The following UNC5A variants were observed in gnomAD, a reference collection of about 807,000 sequenced individuals.
UNC5A encodes unc-5 netrin receptor A.
In UNC5A, 20 loss-of-function variants were observed where a neutral mutation model predicts 87.4. The observed-to-expected ratio is 0.23, with a 90% confidence interval of 0.16 to 0.33. The LOEUF is 0.33. Among genes scored for constraint, UNC5A ranks in the 10% least tolerant of loss-of-function variants. The probability of loss-of-function intolerance (pLI) is 1.00; values close to 1 mark genes in which losing one functional copy is unlikely to be tolerated. For missense variants in UNC5A, 844 were observed against 1,133.4 expected (o/e 0.74, Z 3.67); for synonymous variants, 438 against 482.3 (o/e 0.91, Z 1.20).
At chr5:176,877,066 C>T (rs1260401779) in intron 8 of UNC5A, 126 bp from the exon 9 acceptor site, 2 of 727,686 alleles carry the variant, frequency 2.7e-6, no homozygotes, top group African/African-American at 1.8e-5. Context: ...GTCTTTGAGG[C>T]CCCTCTGTCC....
At position 176,877,887 on chromosome 5, in the gene UNC5A, C is replaced by A; in HGVS notation, c.1636-7C>A. ...GGCCGAATTGACCCACTGACCCCTG[C>A]CCACAGGATGTGCTGCACCTGGGCG... On this transcript the variant is annotated splice_polypyrimidine_tract_variant and splice_region_variant and intron_variant, in intron 10 of 14. Transcript: ENST00000329542. 1 of 1,597,038 alleles carries A rather than the reference C, an allele frequency of 6.3e-7. No individual in the cohort carries two copies.
intron 1 of UNC5A, among the ~76,000 whole-genome samples, chr5:176,812,786 G>C (rs1756493520): frequency 6.6e-6 from 1 of 152,258 alleles, no homozygotes; most frequent in African/African-American, 2.4e-5. Flanking sequence ...TGCGGGAGGA[G>C]CTGCTGAAGG....
At chr5:176,850,406 A>T (rs1206681874) in intron 1 of UNC5A, among the ~76,000 whole-genome samples, 1 of 151,342 alleles carries the variant, frequency 6.6e-6, no homozygotes, top group Non-Finnish European at 1.5e-5. Flanking sequence ...AGCCAAGGGA[A>T]GGCACACTTT....
intron 2 of UNC5A, among the ~76,000 whole-genome samples, chr5:176,863,882 C>T (rs373704012): frequency 1.7e-4 from 25 of 143,270 alleles, no homozygotes; most frequent in African/African-American, 6.0e-4. Context: ...CTCCTCCTCA[C>T]TCATTAGAGC....
intron 1 of UNC5A, among the ~76,000 whole-genome samples, chr5:176,831,526 C>T (rs921324577): frequency 2.0e-5 from 3 of 152,268 alleles, no homozygotes; most frequent in African/African-American, 4.8e-5. Context: ...GCTGGCCCCT[C>T]TTTCTGCCCC....
At chr5:176,811,464 C>CG (rs897250232) in intron 1 of UNC5A, among the ~76,000 whole-genome samples, 1 of 152,220 alleles carries the variant, frequency 6.6e-6, no homozygotes, top group African/African-American at 2.4e-5. Context: ...CTCCCTGGTG[C>CG]GGGGGGCCAG....
chr5:176,856,501 G>A (rs1288716301), intron 1 of UNC5A, among the ~76,000 whole-genome samples: 1 of 151,688 alleles, frequency 6.6e-6, no homozygotes, highest in African/African-American at 2.4e-5. Context: ...GGTGAGACCT[G>A]GGCTCCTGCC....
intron 1 of UNC5A, among the ~76,000 whole-genome samples, chr5:176,857,468 C>T (rs1281848924): frequency 6.6e-6 from 1 of 152,098 alleles, no homozygotes; most frequent in Non-Finnish European, 1.5e-5. Context: ...GTAGCTGCCA[C>T]CCCCGTTGGC....
chr5:176,869,377 G>A lies in UNC5A; in HGVS notation c.721+413G>A, dbSNP rs1035527230. 3.9e-5 allele frequency among the ~76,000 whole-genome samples: 6 copies of A among 152,214 alleles called. No individual in the cohort carries two copies. The highest frequency in any genetic ancestry group is 1.9e-4 in the East Asian group (1 of 5,166). The stretch of plus-strand genomic sequence containing the variant: ...TGGGCTGCAGGAGTGTGTGAGCCGC[G>A]GTTCAGCCTGGCTACCCCGAGTGCC... On this transcript the variant is annotated intron_variant, in intron 5 of 14. Coordinates refer to ENST00000329542, the MANE Select transcript of UNC5A (RefSeq NM_133369.3). The surrounding 1 kb of genome is among the most constrained non-coding windows in gnomAD (Gnocchi z 9.1).
In UNC5A at chr5:176,879,457, C is replaced by A. The variant is rs760813993; in HGVS notation, c.2332C>A (p.Arg778=). The change falls in exon 14 of 15, where the codon CGG becomes AGG. Residue 778 remains arginine, a synonymous_variant. Transcript: ENST00000329542. ...DPPCRRGADW[R]TLAQKLHLDS... is the part of the protein sequence containing the mutation. ...ACCCTGTAGGCGGGGTGCCGACTGG[C>A]GGACTCTGGCCCAGAAACTCCACCT... The A allele has an allele frequency of 6.2e-6, 10 of 1,610,542 alleles. No individual in the cohort carries two copies. The East Asian group carries it at 1.1e-4, about 18-fold the overall frequency.
Position 176,875,596 on chromosome 5 carries a change from C to T in UNC5A, c.1378+1030C>T, listed in dbSNP as rs1758243442. Among the ~76,000 whole-genome samples the T allele has an allele frequency of 1.3e-5, 2 of 152,166 alleles. No individual in the cohort carries two copies. Among genetic ancestry groups the T allele is most frequent in the Non-Finnish European group, 2.9e-5 (2 of 68,038 alleles). Reference sequence around the variant, plus strand: ...CCTTACCTGGTTCCTTGCTGTAAAACTTCACCAAATGAAGCCAGAGTTGAT... The same window carrying T: ...CCTTACCTGGTTCCTTGCTGTAAAATTTCACCAAATGAAGCCAGAGTTGAT... On this transcript the variant is annotated intron_variant, in intron 8 of 14. Coordinates refer to ENST00000329542, the MANE Select transcript of UNC5A (RefSeq NM_133369.3). The surrounding 1 kb of genome is among the most constrained non-coding windows in gnomAD (Gnocchi z 5.2).
chr5:176,815,645 C>T (rs988631063), intron 1 of UNC5A, among the ~76,000 whole-genome samples: 1 of 152,236 alleles, frequency 6.6e-6, no homozygotes, highest in African/African-American at 2.4e-5. Context: ...TGTGTTCCTT[C>T]GCATTTGTGG....
At chr5:176,811,853 G>A (rs962591556) in intron 1 of UNC5A, among the ~76,000 whole-genome samples, 4 of 152,220 alleles carry the variant, frequency 2.6e-5, no homozygotes, top group African/African-American at 7.2e-5. Flanking sequence ...TGGCCAGGCC[G>A]CTGCTTATAA....
intron 9 of UNC5A, 38 bp downstream of exon 9, chr5:176,877,317 C>G (rs747145963): frequency 9.6e-6 from 15 of 1,566,508 alleles, no homozygotes; most frequent in Non-Finnish European, 9.6e-6. Flanking sequence ...GTGGGAGGGA[C>G]CTGCCTGCTG....
At position 176,869,717 on chromosome 5, in the gene UNC5A, C is replaced by G. The variant is rs565355484; in HGVS notation, c.722-653C>G. ...GGAGCTGCACCAACCCGGCGCCTCT[C>G]AACGGGGGCGCTTTCTGTGAGGGGC... On this transcript the variant is annotated intron_variant, in intron 5 of 14. Transcript: ENST00000329542. The surrounding 1 kb of genome is among the most constrained non-coding windows in gnomAD (Gnocchi z 9.1). The G allele has an allele frequency of 3.3e-5, 22 of 665,348 alleles. No individual in the cohort carries two copies. In the African/African-American group the frequency reaches 3.4e-4, roughly 10 times the overall value. 41.2% of individuals were successfully genotyped at this position (665,348 alleles called of 1,614,324 possible).
At chr5:176,861,382 C>T (rs899263224) in intron 1 of UNC5A, among the ~76,000 whole-genome samples, 1 of 152,212 alleles carries the variant, frequency 6.6e-6, no homozygotes, top group African/African-American at 2.4e-5. Context: ...GGCCCCTGAA[C>T]CCTCGGTCCG....
Position 176,812,952 on chromosome 5 carries a change from G to A in UNC5A, c.70+2132G>A, listed in dbSNP as rs73340023. 3.7e-3 allele frequency among the ~76,000 whole-genome samples: 556 copies of A among 152,306 alleles called. 3 individuals are homozygous for A. Among genetic ancestry groups the A allele is most frequent in the African/African-American group, 0.012 (512 of 41,560 alleles). On this transcript the variant is annotated intron_variant, in intron 1 of 14. Coordinates refer to ENST00000329542, the MANE Select transcript of UNC5A (RefSeq NM_133369.3). ...TTTGCCTCCGTTGCAACAGCCTCCGGTGAAAAATGTGTCTGTGAGCCGCTG... is the reference window on the plus strand; with the variant it reads ...TTTGCCTCCGTTGCAACAGCCTCCGATGAAAAATGTGTCTGTGAGCCGCTG...
In UNC5A at chr5:176,880,736, G is replaced by A. The variant is rs1349041662; in HGVS notation, c.*850G>A. 3 of 203,188 alleles carry A rather than the reference G, an allele frequency of 1.5e-5. No homozygotes were observed. Among genetic ancestry groups the A allele is most frequent in the Admixed American group, 5.7e-5 (1 of 17,606 alleles). The allele number at this position is 203,188 out of a possible 1,614,324, so 12.6% of individuals were successfully genotyped here. ...GTGCCCGTCCCCAGGGCTGGCTGGT[G>A]CCCCACGCGGGGCCTGTCATGTGAA... On this transcript the variant is annotated 3_prime_UTR_variant, in exon 15 of 15. Transcript: ENST00000329542.
In UNC5A at chr5:176,869,548, TC is replaced by T; in HGVS notation, c.721+588del. 1.5e-6 allele frequency: 1 copy of T among 662,692 alleles called. No individual in the cohort carries two copies. The highest frequency in any genetic ancestry group is 2.8e-6 in the Non-Finnish European group (1 of 361,588). The allele number at this position is 662,692 out of a possible 1,614,324, so 41.1% of individuals were successfully genotyped here. A position where few individuals can be genotyped will look rare whatever the true frequency, so the allele number is the denominator to read the frequency against. The stretch of plus-strand genomic sequence containing the variant: ...ACAGCCCCTCTGCCCTCACGCCCCG[TC>T]CCCTGGGCCAGTGTATCTGAGGACG... On this transcript the variant is annotated intron_variant, in intron 5 of 14. Coordinates refer to ENST00000329542, the MANE Select transcript of UNC5A (RefSeq NM_133369.3). This position sits in a 1 kb window ranked among gnomAD's most constrained non-coding sequence, Gnocchi z 9.1.
Sources: allele counts gnomAD v4.1 joint callset (sites outside exome capture counted in the v4.1 genomes callset), GRCh38; gene constraint gnomAD v4.1.1; non-coding constraint Gnocchi (gnomAD v3.1); transcripts MANE v1.5; gene names NCBI Gene and HGNC (gene_info 2026-07-23, HGNC 2026-07-21).